Variants in CDH12 observed in about 807,000 individuals in gnomAD.
The protein encoded by CDH12 is cadherin 12.
Under a neutral mutation model 74.1 loss-of-function variants are expected in CDH12, and 41 were observed. The observed-to-expected ratio is 0.55, with a 90% confidence interval of 0.43 to 0.72. The LOEUF is 0.72. CDH12 is among the 30% of genes least tolerant of loss of function. CDH12 has a pLI of 0.00. For synonymous variants in CDH12, 399 were observed against 355.0 expected, an observed-to-expected ratio of 1.12 and a Z score of -1.39; for missense variants, 945 against 977.2, an observed-to-expected ratio of 0.97 and a Z score of 0.44.
intron 3 of CDH12, among the ~76,000 whole-genome samples, chr5:22,399,978 A>C (rs996000820): frequency 2.6e-5 from 4 of 152,170 alleles, no homozygotes; most frequent in Non-Finnish European, 4.4e-5. Context: ...TGGCCTGACC[A>C]GAGAACAATG....
chr5:22,396,021 T>A (rs748810860), intron 3 of CDH12, among the ~76,000 whole-genome samples: 7 of 151,886 alleles, frequency 4.6e-5, no homozygotes, highest in Non-Finnish European at 8.8e-5. Flanking sequence ...TTGGACTCAA[T>A]ATTACAGAAG....
intron 5 of CDH12, among the ~76,000 whole-genome samples, chr5:21,985,811 G>A (rs943827471): frequency 6.6e-6 from 1 of 152,046 alleles, no homozygotes; most frequent in African/African-American, 2.4e-5. Context: ...TCACTACAAA[G>A]CCATTAGATT....
chr5:22,268,097 C>T (rs1372623770), intron 3 of CDH12, among the ~76,000 whole-genome samples: 1 of 151,922 alleles, frequency 6.6e-6, no homozygotes, highest in Non-Finnish European at 1.5e-5. Context: ...GAATGGGGAG[C>T]GTGTGTGAGG....
intron 3 of CDH12, among the ~76,000 whole-genome samples, chr5:22,253,854 G>A (rs2150389144): frequency 6.6e-6 from 1 of 151,972 alleles, no homozygotes; most frequent in South Asian, 2.1e-4. Context: ...AAATAATGAG[G>A]CACACAAATG....
intron 3 of CDH12, among the ~76,000 whole-genome samples, chr5:22,347,041 G>A (rs1031148877): frequency 1.3e-5 from 2 of 152,120 alleles, no homozygotes; most frequent in Admixed American, 6.5e-5. Context: ...TAATATTGAC[G>A]TTGGATATAT....
At chr5:22,674,108 C>G (rs1236264474) in intron 1 of CDH12, among the ~76,000 whole-genome samples, 1 of 152,134 alleles carries the variant, frequency 6.6e-6, no homozygotes, top group Admixed American at 6.5e-5. Context: ...TATCTGTAGA[C>G]TAGTAAAAGC....
chr5:22,613,480 C>T (rs754812453), intron 1 of CDH12, among the ~76,000 whole-genome samples: 12 of 152,002 alleles, frequency 7.9e-5, no homozygotes, highest in Non-Finnish European at 1.6e-4. Context: ...GTTCAAGTGC[C>T]CTGACAAAGT....
chr5:21,947,481 A>G (rs1168440200), intron 6 of CDH12, among the ~76,000 whole-genome samples: 1 of 152,124 alleles, frequency 6.6e-6, no homozygotes, highest in Non-Finnish European at 1.5e-5. Context: ...CCCAAAGATC[A>G]CTCTTACTCT....
At chr5:21,896,831 T>C (rs973291118) in intron 6 of CDH12, among the ~76,000 whole-genome samples, 2 of 152,192 alleles carry the variant, frequency 1.3e-5, no homozygotes, top group Non-Finnish European at 2.9e-5. Context: ...CTTATCCCTC[T>C]TGAGTTTATT....
chr5:22,117,341 G>A (rs1200170116), intron 4 of CDH12, among the ~76,000 whole-genome samples: 1 of 146,082 alleles, frequency 6.8e-6, no homozygotes, highest in Non-Finnish European at 1.5e-5. Flanking sequence ...AATCCTAAAT[G>A]AAAGTTATGA....
At chr5:22,705,583 G>T (rs1742964529) in intron 1 of CDH12, among the ~76,000 whole-genome samples, 1 of 150,572 alleles carries the variant, frequency 6.6e-6, no homozygotes, top group African/African-American at 2.4e-5. Flanking sequence ...ATTATAAAAT[G>T]GGAATTATTA....
chr5:22,426,432 G>A (rs184091298), intron 2 of CDH12, among the ~76,000 whole-genome samples: 92 of 151,744 alleles, frequency 6.1e-4, no homozygotes, highest in African/African-American at 2.2e-3. Flanking sequence ...TCAATTTATA[G>A]TTCTTTTCTA....
chr5:22,478,068 T>G (rs1746238429), intron 2 of CDH12, among the ~76,000 whole-genome samples: 1 of 152,126 alleles, frequency 6.6e-6, no homozygotes, highest in Non-Finnish European at 1.5e-5. Context: ...TGGTAACATG[T>G]TCTAAGCAAG....
chr5:22,367,995 C>T (rs112791043), intron 3 of CDH12, among the ~76,000 whole-genome samples: 151 of 152,050 alleles, frequency 9.9e-4, no homozygotes, highest in African/African-American at 2.6e-3. Flanking sequence ...ACCAGAAATA[C>T]GAAGTAAATT....
intron 2 of CDH12, among the ~76,000 whole-genome samples, chr5:22,423,736 G>C (rs1186013918): frequency 2.0e-5 from 3 of 152,148 alleles, no homozygotes; most frequent in African/African-American, 7.2e-5. Flanking sequence ...GGGCGCAGCG[G>C]CTCAAGCGTG....
At chr5:22,159,363 G>A (rs537021010) in intron 4 of CDH12, among the ~76,000 whole-genome samples, 76 of 152,210 alleles carry the variant, frequency 5.0e-4, no homozygotes, top group African/African-American at 1.7e-3. Context: ...AGGATAATGA[G>A]GATATGCCTA....
rs1207245173 is a variant in CDH12, at chr5:22,806,514, G to A, written c.-523+46544C>T. 3.3e-5 allele frequency among the ~76,000 whole-genome samples: 5 copies of A among 151,964 alleles called. No homozygotes were observed. In the East Asian group the frequency reaches 5.8e-4, roughly 18 times the overall value. On this transcript the variant is annotated intron_variant, in intron 1 of 14. Coordinates refer to ENST00000382254, the MANE Select transcript of CDH12 (RefSeq NM_004061.5). ...ACTACAGGCGCCCGCCATCACGCCC[G>A]GCTAATGTTTTTTGTATTTTTAGTA...
chr5:21,810,666 A>C (rs1747699862), intron 9 of CDH12, among the ~76,000 whole-genome samples: 1 of 152,144 alleles, frequency 6.6e-6, no homozygotes, highest in South Asian at 2.1e-4. Flanking sequence ...ATGAGACTTT[A>C]GGGAAACTAG....
intron 1 of CDH12, among the ~76,000 whole-genome samples, chr5:22,556,577 A>G (rs1229298676): frequency 6.6e-6 from 1 of 152,088 alleles, no homozygotes; most frequent in African/African-American, 2.4e-5. Flanking sequence ...GATGTTCTAT[A>G]GCACTTTTTA....
Sources: gnomAD v4.1 joint callset for allele counts (sites outside exome capture counted in the v4.1 genomes callset) on GRCh38, gnomAD v4.1.1 for gene constraint, MANE v1.5 for transcripts, NCBI Gene and HGNC (gene_info 2026-07-23, HGNC 2026-07-21) for gene names.